Variants in PDE4B observed in about 807,000 individuals in gnomAD.
PDE4B encodes phosphodiesterase 4B, also known as 3',5'-cyclic-AMP phosphodiesterase 4B.
PDE4B carries 20 observed loss-of-function variants against 82.2 expected under a neutral mutation model. The ratio of observed to expected loss-of-function variants is 0.24; its 90% confidence interval spans 0.17 to 0.35. PDE4B has a LOEUF of 0.35. Ranked by LOEUF, PDE4B falls within the 10% of genes least tolerant of loss-of-function variation. PDE4B has a pLI of 1.00. For missense variants in PDE4B, 655 were observed against 907.2 expected (o/e 0.72, Z 3.57); for synonymous variants, 320 against 318.9 (o/e 1.00, Z -0.04).
At chr1:65,917,474 A>T (rs1455579250) in intron 2 of PDE4B, among the ~76,000 whole-genome samples, 1 of 152,128 alleles carries the variant, frequency 6.6e-6, no homozygotes, top group East Asian at 1.9e-4. Context: ...TAACTTTGAA[A>T]CCTTAAGTTG....
intron 7 of PDE4B, 192 bp from the exon 8 acceptor site, chr1:66,332,316 A>T: frequency 6.4e-7 from 1 of 1,574,652 alleles, no homozygotes; most frequent in East Asian, 2.3e-5. Context: ...GGCACCAGCC[A>T]TCCCAGGCAG....
At chr1:66,364,282 T>C (rs1663054599) in intron 12 of PDE4B, among the ~76,000 whole-genome samples, 1 of 152,152 alleles carries the variant, frequency 6.6e-6, no homozygotes, top group Admixed American at 6.5e-5. Context: ...ATGCAATGTG[T>C]TGAAGAAGTA....
chr1:65,852,698 T>C (rs1275657671), intron 1 of PDE4B, among the ~76,000 whole-genome samples: 1 of 152,030 alleles, frequency 6.6e-6, no homozygotes, highest in Non-Finnish European at 1.5e-5. Context: ...CTTGGGGATT[T>C]CCATGTGATT....
chr1:65,841,379 GGAAA>G (rs1646206094), intron 1 of PDE4B, among the ~76,000 whole-genome samples: 2 of 75,362 alleles, frequency 2.7e-5, no homozygotes, highest in East Asian at 5.4e-4. Flanking sequence ...GGAAAGGAAA[GGAAA>G]GGAAGGAAGG....
chr1:66,096,525 T>C lies in PDE4B; in HGVS notation c.282-150935T>C, dbSNP rs868321455. 7.3e-3 allele frequency among the ~76,000 whole-genome samples: 1,036 copies of C among 142,474 alleles called. 39 individuals are homozygous for C. Among genetic ancestry groups the C allele is most frequent in the African/African-American group, 0.024 (968 of 39,544 alleles). 93.5% of individuals were successfully genotyped at this position (142,474 alleles called of 152,430 possible). On this transcript the variant is annotated intron_variant, in intron 3 of 16. Coordinates refer to ENST00000341517, the MANE Select transcript of PDE4B (RefSeq NM_002600.4). ...AAAAAAAATTATATATATATATATA[T>C]ATATATATATATATATACTGCATTT...
At chr1:65,802,770 A>T (rs1645708200) in intron 1 of PDE4B, among the ~76,000 whole-genome samples, 10 of 152,024 alleles carry the variant, frequency 6.6e-5, no homozygotes, top group Admixed American at 6.6e-4. Flanking sequence ...TCATTATCTA[A>T]TTTTTTTAAT....
intron 3 of PDE4B, among the ~76,000 whole-genome samples, chr1:66,172,296 G>C (rs1402703399): frequency 6.6e-6 from 1 of 152,116 alleles, no homozygotes; most frequent in African/African-American, 2.4e-5. Flanking sequence ...TTTTCTTATG[G>C]CTGCATAGTA....
chr1:65,887,247 T>TTTTCTTTCTTTC (rs1553196105), intron 1 of PDE4B, among the ~76,000 whole-genome samples: 3 of 37,728 alleles, frequency 8.0e-5, no homozygotes, highest in East Asian at 1.9e-3. Flanking sequence ...TCTTTCTTTC[T>TTTTCTTTCTTTC]TTTCTTTCTT....
intron 3 of PDE4B, among the ~76,000 whole-genome samples, chr1:66,020,885 C>T (rs886774522): frequency 6.6e-6 from 1 of 152,172 alleles, no homozygotes; most frequent in Non-Finnish European, 1.5e-5. Flanking sequence ...CTTGAGGAAT[C>T]GCCATACTGT....
chr1:66,331,886 G>C, intron 7 of PDE4B: 1 of 986,394 alleles, frequency 1.0e-6, no homozygotes, highest in African/African-American at 1.7e-5. Context: ...TTAAGGGAGA[G>C]AAAGGAATAG....
intron 3 of PDE4B, among the ~76,000 whole-genome samples, chr1:66,022,867 A>T (rs1653215840): frequency 6.6e-6 from 1 of 152,150 alleles, no homozygotes. Context: ...TGATTGGAAT[A>T]ATTTCAGAAG....
intron 3 of PDE4B, among the ~76,000 whole-genome samples, chr1:66,224,934 T>C (rs1651313395): frequency 6.6e-6 from 1 of 152,154 alleles, no homozygotes; most frequent in Admixed American, 6.5e-5. Context: ...ACTGAGAAAA[T>C]AGAAGAAATC....
intron 8 of PDE4B, among the ~76,000 whole-genome samples, chr1:66,342,397 A>C (rs1277532156): frequency 6.6e-6 from 1 of 152,118 alleles, no homozygotes; most frequent in East Asian, 1.9e-4. Flanking sequence ...GGAATAAGAT[A>C]CAGAAAACCT....
intron 3 of PDE4B, among the ~76,000 whole-genome samples, chr1:65,919,966 TG>T (rs1367649354): frequency 1.3e-5 from 2 of 152,042 alleles, no homozygotes; most frequent in Non-Finnish European, 2.9e-5. Flanking sequence ...TTAAAGAAAA[TG>T]GGTTAAAAAT....
chr1:66,072,382 C>T (rs1480130962), intron 3 of PDE4B, among the ~76,000 whole-genome samples: 1 of 152,090 alleles, frequency 6.6e-6, no homozygotes, highest in Non-Finnish European at 1.5e-5. Flanking sequence ...TAACATTTTT[C>T]ACCCATGTTG....
intron 3 of PDE4B, among the ~76,000 whole-genome samples, chr1:66,156,982 C>G (rs1339184543): frequency 4.6e-5 from 7 of 152,178 alleles, no homozygotes; most frequent in African/African-American, 1.7e-4. Flanking sequence ...CTCCCAATTT[C>G]TATCTTCAAC....
Position 66,152,752 on chromosome 1 carries a change from G to C in PDE4B, c.282-94708G>C, listed in dbSNP as rs368534163. On this transcript the variant is annotated intron_variant, in intron 3 of 16. Coordinates refer to ENST00000341517, the MANE Select transcript of PDE4B (RefSeq NM_002600.4). The stretch of plus-strand genomic sequence containing the variant: ...ATTTGTAGGGCAAGCCAACAGACTA[G>C]AAACTCAGTCGGGAGTCAATGTTGT... Among the ~76,000 whole-genome samples, 10 of 151,944 alleles carry C rather than the reference G, an allele frequency of 6.6e-5. No homozygotes were observed. In the East Asian group the frequency reaches 1.2e-3, roughly 18 times the overall value.
intron 3 of PDE4B, among the ~76,000 whole-genome samples, chr1:66,122,700 T>TTCC (rs1212916619): frequency 1.1e-5 from 1 of 94,918 alleles, no homozygotes; most frequent in African/African-American, 3.8e-5. Flanking sequence ...TTTCTCTTCT[T>TTCC]TTCTTTTTTT....
intron 3 of PDE4B, among the ~76,000 whole-genome samples, chr1:66,139,536 AT>A (rs755669386): frequency 3.3e-5 from 5 of 152,132 alleles, no homozygotes; most frequent in Non-Finnish European, 5.9e-5. Context: ...GGATATTCCA[AT>A]ATCGTCTTCC....
Sources: allele counts gnomAD v4.1 joint callset (sites outside exome capture counted in the v4.1 genomes callset), GRCh38; gene constraint gnomAD v4.1.1; transcripts MANE v1.5; gene names NCBI Gene and HGNC (gene_info 2026-07-23, HGNC 2026-07-21).